HSF5: variants seen among roughly 807,000 people sequenced by gnomAD.
HSF5 encodes heat shock factor protein 5.
A neutral mutation model predicts 50.8 loss-of-function variants in HSF5; 5 were observed. That is an observed-to-expected ratio of 0.10 (90% CI 0.05 to 0.21). The LOEUF is 0.21. HSF5 is among the 10% of genes least tolerant of loss of function. The probability of loss-of-function intolerance (pLI) is 1.00; values close to 1 mark genes in which losing one functional copy is unlikely to be tolerated. For missense variants in HSF5, 564 were observed against 762.6 expected (o/e 0.74, Z 3.07); for synonymous variants, 307 against 307.4 (o/e 1.00, Z 0.02).
rs914794214 is a variant in HSF5, at chr17:58,420,949, C to T, written c.*1411G>A. 12 of 152,600 alleles carry T rather than the reference C, an allele frequency of 7.9e-5. No homozygotes were observed. The highest frequency in any genetic ancestry group is 2.4e-4 in the African/African-American group (10 of 41,438). 9.5% of individuals were successfully genotyped at this position (152,600 alleles called of 1,614,324 possible). A position where few individuals can be genotyped will look rare whatever the true frequency, so the allele number is the denominator to read the frequency against. ...AAGAAATGAACTGTTACATCCACAA[C>T]GGCTAGCATAGTACTATGTCATATC... On this transcript the variant is annotated 3_prime_UTR_variant, in exon 6 of 6. Coordinates refer to ENST00000323777, the MANE Select transcript of HSF5 (RefSeq NM_001080439.3).
At chr17:58,439,623 T>TA in intron 5 of HSF5, among the ~76,000 whole-genome samples, 1 of 152,212 alleles carries the variant, frequency 6.6e-6, no homozygotes, top group African/African-American at 2.4e-5. Flanking sequence ...TAGCTGGCAT[T>TA]ACAAGCATGC....
At chr17:58,460,977 G>A (rs1974786946) in intron 4 of HSF5, among the ~76,000 whole-genome samples, 1 of 151,666 alleles carries the variant, frequency 6.6e-6, no homozygotes. Flanking sequence ...CCAGCACTTT[G>A]GGAGGCCGAG....
At chr17:58,435,980 A>C (rs1974423177) in intron 5 of HSF5, among the ~76,000 whole-genome samples, 1 of 152,082 alleles carries the variant, frequency 6.6e-6, no homozygotes, top group Non-Finnish European at 1.5e-5. Context: ...CTTACTATGT[A>C]ACCCAGCATA....
At chr17:58,463,839 T>C (rs1974827551) in intron 3 of HSF5, among the ~76,000 whole-genome samples, 1 of 152,224 alleles carries the variant, frequency 6.6e-6, no homozygotes, top group Non-Finnish European at 1.5e-5. Flanking sequence ...TTATTTTTAA[T>C]AACAAAGCAA....
intron 2 of HSF5, chr17:58,476,444 G>A (rs970515716): frequency 4.7e-6 from 5 of 1,058,634 alleles, no homozygotes; most frequent in African/African-American, 3.1e-5. Context: ...TAACTTGAAC[G>A]CTTTGTCAAA....
intron 5 of HSF5, among the ~76,000 whole-genome samples, chr17:58,441,247 A>C (rs1490640566): frequency 6.6e-6 from 1 of 152,214 alleles, no homozygotes; most frequent in Non-Finnish European, 1.5e-5. Flanking sequence ...AATTTATTTA[A>C]ATATCTGGGA....
intron 5 of HSF5, among the ~76,000 whole-genome samples, chr17:58,431,266 G>T (rs765978818): frequency 6.6e-6 from 1 of 152,038 alleles, no homozygotes; most frequent in South Asian, 2.1e-4. Context: ...TGTGAAATCG[G>T]ACTAACACAC....
intron 2 of HSF5, among the ~76,000 whole-genome samples, chr17:58,470,925 CA>C (rs1034117009): frequency 6.7e-6 from 1 of 149,392 alleles, no homozygotes. Context: ...GACTCCGTCT[CA>C]AAAAAAAAGA....
At chr17:58,476,622 T>C in intron 2 of HSF5, 2 of 1,543,864 alleles carry the variant, frequency 1.3e-6, no homozygotes, top group Non-Finnish European at 1.8e-6. Context: ...TCACTTCAAC[T>C]CTGGTCAAAT....
intron 4 of HSF5, among the ~76,000 whole-genome samples, chr17:58,459,355 G>GT (rs2143775618): frequency 6.6e-6 from 1 of 152,004 alleles, no homozygotes. Context: ...TTTTTAAAAA[G>GT]TTTTTTTGTA....
rs1420981581 is a variant in HSF5, at chr17:58,462,888, G to T, written c.1436C>A (p.Ala479Glu). 6.2e-7 allele frequency: 1 copy of T among 1,614,018 alleles called. No homozygotes were observed. The highest frequency in any genetic ancestry group is 1.3e-5 in the African/African-American group (1 of 74,916). ...PVENSTIQES[A>E]AIQQAHVKLK... Reference sequence around the variant, plus strand: ...TTTGACATGAGCTTGCTGGATGGCTGCAGATTCCTGTATTGTGCTATTTTC... The same window carrying T: ...TTTGACATGAGCTTGCTGGATGGCTTCAGATTCCTGTATTGTGCTATTTTC... Residue 479 changes from alanine (A) to glutamate (E), a missense_variant, in exon 4 of 6, where the codon GCA becomes GAA. Physicochemically the swap from Ala to Glu is moderately radical, Grantham distance 107. Around this residue, in one of 5 missense-constraint regions of HSF5, gnomAD observed 441 missense variants for 533.6 expected, o/e 0.83. Transcript: ENST00000323777.
At chr17:58,480,786 T>C (rs1975089425) in intron 1 of HSF5, among the ~76,000 whole-genome samples, 1 of 151,742 alleles carries the variant, frequency 6.6e-6, no homozygotes, top group Non-Finnish European at 1.5e-5. Flanking sequence ...TATCTATCTA[T>C]CTATCTATCT....
chr17:58,467,345 G>A (rs1356424038), intron 2 of HSF5, among the ~76,000 whole-genome samples: 1 of 152,172 alleles, frequency 6.6e-6, no homozygotes, highest in Non-Finnish European at 1.5e-5. Context: ...CATTTCAACA[G>A]TAACAACTAT....
chr17:58,472,467 T>C (rs1317792304), intron 2 of HSF5, among the ~76,000 whole-genome samples: 1 of 152,154 alleles, frequency 6.6e-6, no homozygotes, highest in Admixed American at 6.5e-5. Context: ...AAGTGAGACC[T>C]TGTCTCTTAA....
chr17:58,439,403 T>C (rs549919084), intron 5 of HSF5, among the ~76,000 whole-genome samples: 4 of 150,964 alleles, frequency 2.6e-5, no homozygotes, highest in Non-Finnish European at 5.9e-5. Flanking sequence ...TATAAGAAGA[T>C]ATTATATCCA....
At chr17:58,445,770 T>C (rs957770668) in intron 5 of HSF5, among the ~76,000 whole-genome samples, 17 of 152,132 alleles carry the variant, frequency 1.1e-4, no homozygotes, top group African/African-American at 4.1e-4. Context: ...AGTTTCAGAT[T>C]TGCAAGATAA....
intron 5 of HSF5, among the ~76,000 whole-genome samples, chr17:58,450,230 T>G (rs1974617825): frequency 6.7e-6 from 1 of 148,600 alleles, no homozygotes; most frequent in South Asian, 2.1e-4. Flanking sequence ...TCCCAGCTAC[T>G]TGGGAGGCTG....
At chr17:58,453,467 G>A (rs946010343) in intron 5 of HSF5, among the ~76,000 whole-genome samples, 1 of 151,504 alleles carries the variant, frequency 6.6e-6, no homozygotes, top group Non-Finnish European at 1.5e-5. Context: ...GGTGGCAGGC[G>A]CCTGTAATCC....
In HSF5 at chr17:58,468,455, C is replaced by A. The variant is rs148847341; in HGVS notation, c.926-1476G>T. Among the ~76,000 whole-genome samples the A allele has an allele frequency of 6.6e-4, 101 of 152,208 alleles. 1 individual carries two copies. Among genetic ancestry groups the A allele is most frequent in the Non-Finnish European group, 1.3e-3 (87 of 68,016 alleles). On this transcript the variant is annotated intron_variant, in intron 2 of 5. Transcript: ENST00000323777. ...ATAATTCCCTAAGCTAAACCCTGTT[C>A]CTGAAATGTAACATTTGTAGTTTTA...
Sources: allele counts gnomAD v4.1 joint callset (sites outside exome capture counted in the v4.1 genomes callset), GRCh38; gene constraint gnomAD v4.1.1; regional missense constraint gnomAD v4.1.1; transcripts MANE v1.5; gene names NCBI Gene and HGNC (gene_info 2026-07-23, HGNC 2026-07-21).